LRRTM4: variants seen among roughly 807,000 people sequenced by gnomAD.
LRRTM4 encodes leucine-rich repeat transmembrane neuronal protein 4.
A neutral mutation model predicts 47.6 loss-of-function variants in LRRTM4; 25 were observed. The observed-to-expected ratio is 0.53, with a 90% CI of 0.38 to 0.73. The LOEUF is 0.73. Among genes scored for constraint, LRRTM4 ranks in the 30% least tolerant of loss-of-function variants. The probability of loss-of-function intolerance (pLI) is 0.00; values close to 1 mark genes in which losing one functional copy is unlikely to be tolerated. For synonymous variants in LRRTM4, 311 were observed against 269.5 expected (o/e 1.15, Z -1.51); for missense variants, 638 against 713.4 (o/e 0.89, Z 1.20).
intron 3 of LRRTM4, among the ~76,000 whole-genome samples, chr2:77,146,499 T>C (rs150111376): frequency 1.8e-3 from 278 of 152,282 alleles, no homozygotes; most frequent in African/African-American, 6.3e-3. Flanking sequence ...AAGAAATCTA[T>C]GAAACTAAAG....
In LRRTM4 at chr2:77,443,224, G is replaced by A. The variant is rs560657101; in HGVS notation, c.1551+75094C>T. On this transcript the variant is annotated intron_variant, in intron 3 of 3. Transcript: ENST00000409884. Reference sequence around the variant, plus strand: ...GCTGTTTTTCTTTTATTCTAAGAAAGGTTTCAAAAGGAGAGAGTGAAAATG... The same window carrying A: ...GCTGTTTTTCTTTTATTCTAAGAAAAGTTTCAAAAGGAGAGAGTGAAAATG... Among the ~76,000 whole-genome samples the A allele has an allele frequency of 1.4e-3, 218 of 152,190 alleles. 1 individual carries two copies. Among genetic ancestry groups the A allele is most frequent in the African/African-American group, 5.1e-3 (211 of 41,544 alleles).
At chr2:76,789,113 G>A (rs565445253) in intron 3 of LRRTM4, among the ~76,000 whole-genome samples, 1 of 152,082 alleles carries the variant, frequency 6.6e-6, no homozygotes, top group Non-Finnish European at 1.5e-5. Context: ...GAGATGCTAA[G>A]TTCCAGCCCA....
chr2:77,016,134 T>A (rs768232806), intron 3 of LRRTM4, among the ~76,000 whole-genome samples: 2 of 151,818 alleles, frequency 1.3e-5, no homozygotes, highest in Non-Finnish European at 1.5e-5. Flanking sequence ...ATGCCTATAA[T>A]CCCAGCACTT....
At chr2:76,759,129 T>C (rs144110740) in intron 3 of LRRTM4, among the ~76,000 whole-genome samples, 1 of 152,264 alleles carries the variant, frequency 6.6e-6, no homozygotes, top group African/African-American at 2.4e-5. Flanking sequence ...GCTGGGTATA[T>C]AAAGAAGAAT....
At chr2:77,223,663 A>G (rs1487607366) in intron 3 of LRRTM4, among the ~76,000 whole-genome samples, 8 of 152,094 alleles carry the variant, frequency 5.3e-5, no homozygotes, top group Admixed American at 3.3e-4. Flanking sequence ...GGATGTGAAG[A>G]ACCTCTTCAC....
At chr2:76,923,901 A>G (rs994368466) in intron 3 of LRRTM4, among the ~76,000 whole-genome samples, 11 of 152,096 alleles carry the variant, frequency 7.2e-5, no homozygotes, top group Non-Finnish European at 1.2e-4. Context: ...CTTTTTTTAC[A>G]TTCCTGAAAT....
chr2:77,281,316 G>T (rs1676500613), intron 3 of LRRTM4, among the ~76,000 whole-genome samples: 1 of 151,828 alleles, frequency 6.6e-6, no homozygotes, highest in South Asian at 2.1e-4. Flanking sequence ...GATTTCTGTA[G>T]ATGGTTATGA....
intron 3 of LRRTM4, among the ~76,000 whole-genome samples, chr2:76,837,422 C>T (rs1348439357): frequency 6.6e-6 from 1 of 151,944 alleles, no homozygotes; most frequent in Non-Finnish European, 1.5e-5. Context: ...CTTCTGCTAG[C>T]TTTTGAATGT....
rs137913783 is a variant in LRRTM4, at chr2:77,050,382, T to G, written c.1552-301466A>C. Among the ~76,000 whole-genome samples the G allele has an allele frequency of 3.4e-3, 524 of 152,126 alleles. 1 individual carries two copies. The highest frequency in any genetic ancestry group is 0.012 in the African/African-American group (496 of 41,502). Reference sequence around the variant, plus strand: ...AGATGCTATTTATAATTGTAGGGGGTTTTGTTTGTTTTAATTTAGCCCAAT... The same window carrying G: ...AGATGCTATTTATAATTGTAGGGGGGTTTGTTTGTTTTAATTTAGCCCAAT... On this transcript the variant is annotated intron_variant, in intron 3 of 3. Transcript: ENST00000409884.
At chr2:77,004,203 C>A (rs1486914762) in intron 3 of LRRTM4, among the ~76,000 whole-genome samples, 2 of 152,132 alleles carry the variant, frequency 1.3e-5, no homozygotes, top group East Asian at 3.9e-4. Context: ...CAACAAGGAG[C>A]CAAATGTTAA....
chr2:77,052,808 C>A (rs983047500), intron 3 of LRRTM4, among the ~76,000 whole-genome samples: 2 of 151,912 alleles, frequency 1.3e-5, no homozygotes, highest in African/African-American at 4.8e-5. Flanking sequence ...GACGCTGACA[C>A]AGAATTTTTT....
chr2:76,754,872 A>T (rs1573053327), intron 3 of LRRTM4, among the ~76,000 whole-genome samples: 2 of 152,170 alleles, frequency 1.3e-5, no homozygotes, highest in African/African-American at 4.8e-5. Flanking sequence ...GGCATCTTAG[A>T]CCAGCCAGTC....
chr2:77,394,683 G>C (rs1409093862), intron 3 of LRRTM4, among the ~76,000 whole-genome samples: 2 of 151,962 alleles, frequency 1.3e-5, no homozygotes, highest in Non-Finnish European at 2.9e-5. Context: ...CATGCATACT[G>C]AATGAACATG....
chr2:77,220,207 C>T (rs960890650), intron 3 of LRRTM4, among the ~76,000 whole-genome samples: 2 of 152,070 alleles, frequency 1.3e-5, no homozygotes, highest in Non-Finnish European at 2.9e-5. Flanking sequence ...CCCATCTGTA[C>T]GTCACTGTCA....
intron 3 of LRRTM4, among the ~76,000 whole-genome samples, chr2:77,118,856 C>T (rs1422589064): frequency 1.3e-5 from 2 of 151,684 alleles, no homozygotes; most frequent in African/African-American, 4.8e-5. Context: ...TCTTATAAAG[C>T]TGAGTAGACC....
At chr2:76,895,042 G>A (rs983675270) in intron 3 of LRRTM4, among the ~76,000 whole-genome samples, 2 of 151,514 alleles carry the variant, frequency 1.3e-5, no homozygotes, top group African/African-American at 4.8e-5. Context: ...GTGAAACAAA[G>A]GAAAATACTT....
chr2:76,821,880 C>T lies in LRRTM4; in HGVS notation c.1552-72964G>A, dbSNP rs542254752. ...TCACCAGTGAGACACCTCTCTCTCC[C>T]TGTTCCTCCTGGGGCATCCTCATTG... is the stretch of plus-strand genomic sequence containing the variant. On this transcript the variant is annotated intron_variant, in intron 3 of 3. Coordinates refer to ENST00000409884, the MANE Select transcript of LRRTM4 (RefSeq NM_001134745.3). Among the ~76,000 whole-genome samples, 128 of 151,614 alleles carry T rather than the reference C, an allele frequency of 8.4e-4. 1 individual carries two copies. The highest frequency in any genetic ancestry group is 1.3e-3 in the Non-Finnish European group (91 of 67,764).
intron 3 of LRRTM4, among the ~76,000 whole-genome samples, chr2:77,498,329 G>A (rs1417456607): frequency 6.6e-6 from 1 of 151,736 alleles, no homozygotes; most frequent in East Asian, 1.9e-4. Flanking sequence ...AGCGATTGTA[G>A]AAAATTACAG....
At position 77,049,122 on chromosome 2, in the gene LRRTM4, T is replaced by TTATATATA. The variant is rs3058032; in HGVS notation, c.1552-300214_1552-300207dup. ...TTTTGACTAAATAATATTTCATTTT[T>TTATATATA]TATATATATATATATATATATATAT... is the stretch of plus-strand genomic sequence containing the variant. On this transcript the variant is annotated intron_variant, in intron 3 of 3. Transcript: ENST00000409884. Among the ~76,000 whole-genome samples, 482 of 62,528 alleles carry TTATATATA rather than the reference T, an allele frequency of 7.7e-3. 2 individuals are homozygous for TTATATATA. Among genetic ancestry groups the TTATATATA allele is most frequent in the Middle Eastern group, 0.011 (1 of 92 alleles). The allele number at this position is 62,528 out of a possible 152,430, so 41.0% of individuals were successfully genotyped here.
Sources: gnomAD v4.1 joint callset for allele counts (sites outside exome capture counted in the v4.1 genomes callset) on GRCh38, gnomAD v4.1.1 for gene constraint, MANE v1.5 for transcripts, NCBI Gene and HGNC (gene_info 2026-07-23, HGNC 2026-07-21) for gene names.